The following ADAM32 variants were observed in gnomAD, a reference collection of about 807,000 sequenced individuals.
The protein encoded by ADAM32 is ADAM metallopeptidase domain 32, also known as disintegrin and metalloproteinase domain-containing protein 32.
ADAM32 carries 89 observed loss-of-function variants against 114.9 expected under a neutral mutation model. The observed-to-expected ratio is 0.77, with a 90% CI of 0.65 to 0.92. ADAM32 has a LOEUF of 0.92. Among genes scored for constraint, ADAM32 ranks in the 40% least tolerant of loss-of-function variants. ADAM32 has a pLI of 0.00. For missense variants in ADAM32, 870 were observed against 932.8 expected (o/e 0.93, Z 0.88); for synonymous variants, 285 against 307.5 (o/e 0.93, Z 0.77).
At chr8:39,178,893 C>A (rs1464976529) in intron 10 of ADAM32, among the ~76,000 whole-genome samples, 6 of 152,138 alleles carry the variant, frequency 3.9e-5, no homozygotes, top group Non-Finnish European at 5.9e-5. Flanking sequence ...AAGATGGCAA[C>A]CTGCTTCTTC....
At chr8:39,258,049 G>T (rs1216862045) in intron 19 of ADAM32, among the ~76,000 whole-genome samples, 1 of 151,530 alleles carries the variant, frequency 6.6e-6, no homozygotes, top group Non-Finnish European at 1.5e-5. Context: ...AACCTACCTA[G>T]TATTGTTTTA....
intron 17 of ADAM32, among the ~76,000 whole-genome samples, chr8:39,253,094 A>G (rs1811407942): frequency 2.0e-5 from 3 of 151,788 alleles, no homozygotes; most frequent in South Asian, 4.2e-4. Flanking sequence ...TAAAAGAATC[A>G]TACACTATGA....
Position 39,139,930 on chromosome 8 carries a change from G to A in ADAM32, c.200+3212G>A, listed in dbSNP as rs183139231. 1.7e-4 allele frequency among the ~76,000 whole-genome samples: 26 copies of A among 152,182 alleles called. No individual in the cohort carries two copies. In the East Asian group the frequency reaches 2.7e-3, roughly 16 times the overall value. On this transcript the variant is annotated intron_variant, in intron 3 of 24. Transcript: ENST00000379907. Reference sequence around the variant, plus strand: ...GATTCCTAGGTATTTTATTCTCTTCGTAGTAGTTGTGAATGGGAGTTCACT... The same window carrying A: ...GATTCCTAGGTATTTTATTCTCTTCATAGTAGTTGTGAATGGGAGTTCACT...
At chr8:39,189,347 G>A (rs988575057) in intron 11 of ADAM32, among the ~76,000 whole-genome samples, 1 of 151,940 alleles carries the variant, frequency 6.6e-6, no homozygotes, top group Non-Finnish European at 1.5e-5. Flanking sequence ...ATTGGCATTC[G>A]CTTAAACTAA....
intron 12 of ADAM32, among the ~76,000 whole-genome samples, chr8:39,215,180 A>C (rs1425387600): frequency 6.6e-6 from 1 of 151,912 alleles, no homozygotes; most frequent in Admixed American, 6.6e-5. Flanking sequence ...GATTCCATAT[A>C]AATTTTAGGA....
intron 22 of ADAM32, chr8:39,276,413 A>G (rs1813074455): frequency 6.6e-6 from 1 of 152,198 alleles, no homozygotes; most frequent in South Asian, 2.1e-4. Context: ...TAACTCAGTA[A>G]GTATCTAGTT....
At chr8:39,168,267 A>T (rs1482410959) in intron 9 of ADAM32, 2 of 152,162 alleles carry the variant, frequency 1.3e-5, no homozygotes, top group Non-Finnish European at 2.9e-5. Flanking sequence ...AGAGCCCTTC[A>T]TATTTATTGA....
chr8:39,168,108 AC>A (rs1365301200), intron 9 of ADAM32: 1 of 140,842 alleles, frequency 7.1e-6, no homozygotes, highest in African/African-American at 2.5e-5. Flanking sequence ...TTTTCTATAA[AC>A]TTTTTTTTCT....
At chr8:39,157,806 C>T in intron 6 of ADAM32, 3 of 1,096,366 alleles carry the variant, frequency 2.7e-6, no homozygotes, top group Non-Finnish European at 4.0e-6. Flanking sequence ...GGTTGATGCT[C>T]TTGTCAGGTT....
rs567165977 is a variant in ADAM32, at chr8:39,253,954, A to G, written c.1903-460A>G. Reference sequence around the variant, plus strand: ...ATCCAGATAATTAGAAGCAATTTTTAAAAAGAAGAACAAAGCTTTTCAAAA... The same window carrying G: ...ATCCAGATAATTAGAAGCAATTTTTGAAAAGAAGAACAAAGCTTTTCAAAA... On this transcript the variant is annotated intron_variant, in intron 17 of 24. Coordinates refer to ENST00000379907, the MANE Select transcript of ADAM32 (RefSeq NM_145004.7). Among the ~76,000 whole-genome samples, 4 of 151,742 alleles carry G rather than the reference A, an allele frequency of 2.6e-5. No individual in the cohort carries two copies. In the East Asian group the frequency reaches 5.8e-4, roughly 22 times the overall value.
chr8:39,132,895 CCT>C (rs1435010182), intron 2 of ADAM32, among the ~76,000 whole-genome samples: 2 of 151,688 alleles, frequency 1.3e-5, no homozygotes, highest in Non-Finnish European at 2.9e-5. Context: ...AAGATTTTCT[CCT>C]TATGTTTGAC....
At chr8:39,118,862 G>T (rs1840483051) in intron 2 of ADAM32, among the ~76,000 whole-genome samples, 1 of 152,132 alleles carries the variant, frequency 6.6e-6, no homozygotes, top group African/African-American at 2.4e-5. Context: ...CCACAGTCCA[G>T]TTGTAGAATG....
intron 6 of ADAM32, 37 bp downstream of exon 6, chr8:39,151,585 G>T (rs1481890499): frequency 5.3e-6 from 7 of 1,320,640 alleles, no homozygotes; most frequent in Admixed American, 5.6e-5. Flanking sequence ...TTTTAAAGCA[G>T]TTATTACTTC....
At chr8:39,169,233 C>A (rs1380825310) in intron 9 of ADAM32, 1 of 152,068 alleles carries the variant, frequency 6.6e-6, no homozygotes. Context: ...AGCATCTATA[C>A]CTTAGTAGTT....
At chr8:39,175,119 T>C (rs1175467812) in intron 10 of ADAM32, among the ~76,000 whole-genome samples, 1 of 152,212 alleles carries the variant, frequency 6.6e-6, no homozygotes, top group South Asian at 2.1e-4. Flanking sequence ...TAGGATCATG[T>C]CATCTGCAAA....
intron 21 of ADAM32, among the ~76,000 whole-genome samples, chr8:39,275,597 T>TCTG (rs1368280928): frequency 1.3e-5 from 2 of 152,268 alleles, no homozygotes; most frequent in Non-Finnish European, 2.9e-5. Flanking sequence ...TTCTTGTTCC[T>TCTG]CTGCTTAGTT....
At chr8:39,271,935 T>C (rs1398935384) in intron 20 of ADAM32, among the ~76,000 whole-genome samples, 2 of 151,670 alleles carry the variant, frequency 1.3e-5, no homozygotes, top group Admixed American at 6.6e-5. Flanking sequence ...CCCAGCACTT[T>C]AGGAGGCTGA....
chr8:39,144,178 C>A (rs114137164), intron 3 of ADAM32, among the ~76,000 whole-genome samples: 1 of 152,290 alleles, frequency 6.6e-6, no homozygotes, highest in East Asian at 1.9e-4. Context: ...TTGAGCTTCC[C>A]GGGTGAGACA....
intron 17 of ADAM32, among the ~76,000 whole-genome samples, chr8:39,252,958 C>G (rs1401227751): frequency 1.3e-5 from 2 of 151,550 alleles, no homozygotes; most frequent in Admixed American, 1.3e-4. Context: ...GGGGGCTTCA[C>G]AAATGAATTC....
Sources: gnomAD v4.1 joint callset for allele counts (sites outside exome capture counted in the v4.1 genomes callset) on GRCh38, gnomAD v4.1.1 for gene constraint, MANE v1.5 for transcripts, NCBI Gene and HGNC (gene_info 2026-07-23, HGNC 2026-07-21) for gene names.